Variants in LRP1B observed in about 807,000 individuals in gnomAD.
LRP1B encodes the protein LDL receptor related protein 1B.
A neutral mutation model predicts 556.6 loss-of-function variants in LRP1B; 217 were observed. The ratio of observed to expected loss-of-function variants is 0.39; its 90% confidence interval spans 0.35 to 0.44. LRP1B has a LOEUF of 0.44. Among genes scored for constraint, LRP1B ranks in the 20% least tolerant of loss-of-function variants. LRP1B has a pLI of 1.00. For missense variants in LRP1B, 5,053 were observed against 5,620.8 expected (o/e 0.90, Z 3.23); for synonymous variants, 2,047 against 1,865.8 (o/e 1.10, Z -2.50).
chr2:141,810,714 A>T (rs911189397), intron 1 of LRP1B, among the ~76,000 whole-genome samples: 1 of 152,134 alleles, frequency 6.6e-6, no homozygotes, highest in Admixed American at 6.6e-5. Context: ...CCAGCAAGTT[A>T]GTTTTATATA....
At chr2:140,255,142 A>T (rs1310047396) in intron 86 of LRP1B, among the ~76,000 whole-genome samples, 2 of 152,140 alleles carry the variant, frequency 1.3e-5, no homozygotes, top group African/African-American at 4.8e-5. Flanking sequence ...TAGTCATAAA[A>T]CTCTTACCAG....
intron 41 of LRP1B, among the ~76,000 whole-genome samples, chr2:140,677,470 AC>A (rs201639685): frequency 2.4e-4 from 36 of 152,072 alleles, no homozygotes; most frequent in South Asian, 8.3e-4. Context: ...GAGAAAAAAA[AC>A]CATACACAAT....
At chr2:141,331,091 C>T (rs72981262) in intron 3 of LRP1B, among the ~76,000 whole-genome samples, 174 of 152,222 alleles carry the variant, frequency 1.1e-3, no homozygotes, top group African/African-American at 3.9e-3. Flanking sequence ...TCGTGGGTAG[C>T]TAAAAGCCAA....
At chr2:140,624,822 A>G (rs1683596989) in intron 41 of LRP1B, among the ~76,000 whole-genome samples, 1 of 152,192 alleles carries the variant, frequency 6.6e-6, no homozygotes, top group African/African-American at 2.4e-5. Context: ...ATTGCAAAAG[A>G]TACTCCTTTA....
intron 35 of LRP1B, among the ~76,000 whole-genome samples, chr2:140,748,358 TATATATTTATATATGTATATATATTC>T (rs1347808433): frequency 6.6e-5 from 6 of 90,568 alleles, no homozygotes; most frequent in Non-Finnish European, 8.4e-5. Flanking sequence ...TCATATATAA[TATATATTTATATATGTATATATATTC>T]ATATATTATA....
rs193042368 is a variant in LRP1B, at chr2:140,595,868, A to G, written c.7194+2763T>C. Among the ~76,000 whole-genome samples, 3 of 152,316 alleles carry G rather than the reference A, an allele frequency of 2.0e-5. No homozygotes were observed. In the East Asian group the frequency reaches 5.8e-4, roughly 29 times the overall value. ...TTAAATTTAACATTGCATAAAAAGT[A>G]TAATTTTTAAAGAAGTAAACTTCCA... On this transcript the variant is annotated intron_variant, in intron 43 of 90. Coordinates refer to ENST00000389484, the MANE Select transcript of LRP1B (RefSeq NM_018557.3).
chr2:141,525,224 T>G (rs536190606), intron 2 of LRP1B, among the ~76,000 whole-genome samples: 1 of 152,162 alleles, frequency 6.6e-6, no homozygotes, highest in South Asian at 2.1e-4. Flanking sequence ...GAGAAAGATA[T>G]GGAAGTCTTC....
intron 35 of LRP1B, among the ~76,000 whole-genome samples, chr2:140,750,485 C>CAT (rs1239564774): frequency 3.9e-5 from 6 of 152,102 alleles, no homozygotes; most frequent in South Asian, 4.1e-4. Context: ...CATATGTGTG[C>CAT]ATATATATCT....
chr2:140,886,382 G>T, intron 23 of LRP1B, 47 bp from the exon 24 acceptor site: 2 of 1,001,038 alleles, frequency 2.0e-6, no homozygotes, highest in South Asian at 1.7e-5. Flanking sequence ...TGTAAACTCT[G>T]GTAATGAAAT....
At chr2:142,019,613 C>T (rs753256455) in intron 1 of LRP1B, among the ~76,000 whole-genome samples, 19 of 152,184 alleles carry the variant, frequency 1.2e-4, no homozygotes, top group Non-Finnish European at 2.4e-4. Context: ...CAGAGTGATG[C>T]TGTAGAAACA....
At chr2:142,103,077 T>C (rs1210783772) in intron 1 of LRP1B, among the ~76,000 whole-genome samples, 1 of 151,936 alleles carries the variant, frequency 6.6e-6, no homozygotes, top group Non-Finnish European at 1.5e-5. Context: ...CTCACTACTT[T>C]AAGATTTGTA....
At chr2:140,280,160 A>C (rs965730453) in intron 84 of LRP1B, among the ~76,000 whole-genome samples, 10 of 151,834 alleles carry the variant, frequency 6.6e-5, no homozygotes, top group Non-Finnish European at 1.2e-4. Flanking sequence ...ATGGCCTTCT[A>C]CTTTCTAATA....
chr2:140,527,782 A>G (rs895988891), intron 47 of LRP1B, among the ~76,000 whole-genome samples: 1 of 152,024 alleles, frequency 6.6e-6, no homozygotes, highest in Non-Finnish European at 1.5e-5. Context: ...TAAATGCAAT[A>G]TATAACATAA....
chr2:141,383,496 A>G (rs1371107556), intron 3 of LRP1B, among the ~76,000 whole-genome samples: 1 of 152,216 alleles, frequency 6.6e-6, no homozygotes, highest in East Asian at 1.9e-4. Context: ...TAAAAAATAT[A>G]TGGTATACAG....
intron 77 of LRP1B, among the ~76,000 whole-genome samples, chr2:140,345,176 T>C (rs1681588586): frequency 6.6e-6 from 1 of 151,694 alleles, no homozygotes; most frequent in Admixed American, 6.6e-5. Context: ...ACTCTCCCGA[T>C]TGTAACAATC....
intron 6 of LRP1B, among the ~76,000 whole-genome samples, chr2:141,220,112 G>A (rs939896797): frequency 2.6e-5 from 4 of 152,172 alleles, no homozygotes; most frequent in Admixed American, 2.6e-4. Context: ...GCTTCAGAAG[G>A]TGCGTAATAA....
intron 18 of LRP1B, among the ~76,000 whole-genome samples, chr2:140,979,022 A>G (rs928675308): frequency 2.0e-5 from 3 of 152,148 alleles, no homozygotes; most frequent in Admixed American, 2.0e-4. Flanking sequence ...TCTGCCACCC[A>G]GGCTGGAGTG....
At chr2:141,300,175 C>A (rs995654436) in intron 3 of LRP1B, among the ~76,000 whole-genome samples, 3 of 152,138 alleles carry the variant, frequency 2.0e-5, no homozygotes, top group Non-Finnish European at 4.4e-5. Flanking sequence ...GGCTTCAGAA[C>A]TAAGCAAAAT....
chr2:140,258,390 C>G (rs1304053258), intron 86 of LRP1B, among the ~76,000 whole-genome samples: 3 of 151,980 alleles, frequency 2.0e-5, no homozygotes, highest in African/African-American at 7.2e-5. Context: ...GGAGGACACC[C>G]TAAATAGAAC....
Sources: allele counts gnomAD v4.1 joint callset (sites outside exome capture counted in the v4.1 genomes callset), GRCh38; gene constraint gnomAD v4.1.1; transcripts MANE v1.5; gene names NCBI Gene and HGNC (gene_info 2026-07-23, HGNC 2026-07-21).